Variants in ADGRG6 observed in about 807,000 individuals in gnomAD.
ADGRG6 encodes G-protein coupled receptor 126.
A neutral mutation model predicts 142.4 loss-of-function variants in ADGRG6; 84 were observed. That is an observed-to-expected ratio of 0.59 (90% CI 0.49 to 0.71). The LOEUF (loss-of-function observed/expected upper bound fraction) is 0.71. Ranked by LOEUF, ADGRG6 falls within the 30% of genes least tolerant of loss-of-function variation. The pLI is 0.00. For synonymous variants in ADGRG6, 521 were observed against 520.5 expected (o/e 1.00, Z -0.01); for missense variants, 1,367 against 1,466.6 (o/e 0.93, Z 1.11).
intron 2 of ADGRG6, among the ~76,000 whole-genome samples, chr6:142,312,210 C>T (rs948354161): frequency 5.3e-5 from 8 of 151,924 alleles, no homozygotes; most frequent in Non-Finnish European, 1.2e-4. Context: ...TTGGTTGTTA[C>T]GATTGACACT....
intron 20 of ADGRG6, 26 bp downstream of exon 20, chr6:142,416,090 T>C: frequency 6.4e-7 from 1 of 1,570,558 alleles, no homozygotes; most frequent in Non-Finnish European, 8.7e-7. Context: ...TTTTTTTGGT[T>C]TTGTTTTTCC....
intron 24 of ADGRG6, among the ~76,000 whole-genome samples, chr6:142,442,077 A>G (rs1777779331): frequency 1.3e-5 from 2 of 152,200 alleles, no homozygotes; most frequent in Non-Finnish European, 2.9e-5. Context: ...TATCATGATG[A>G]TGATGGCTTT....
intron 1 of ADGRG6, among the ~76,000 whole-genome samples, chr6:142,308,942 T>C (rs970464524): frequency 3.3e-5 from 5 of 151,972 alleles, no homozygotes; most frequent in African/African-American, 1.2e-4. Flanking sequence ...TTTACTACTT[T>C]CTATAATACC....
intron 22 of ADGRG6, among the ~76,000 whole-genome samples, chr6:142,433,890 C>G (rs900870058): frequency 6.6e-6 from 1 of 152,212 alleles, no homozygotes. Flanking sequence ...ACCCCCACTT[C>G]TACAAAACAT....
intron 2 of ADGRG6, among the ~76,000 whole-genome samples, chr6:142,361,806 T>C (rs1780727713): frequency 6.8e-6 from 1 of 147,282 alleles, no homozygotes; most frequent in Non-Finnish European, 1.5e-5. Context: ...TGCCTTTAGA[T>C]TGTTTTTTTT....
At position 142,440,826 on chromosome 6, in the gene ADGRG6, A is replaced by C. The variant is rs922623303; in HGVS notation, c.3574+2462A>C. 4 of 724,062 alleles carry C rather than the reference A, an allele frequency of 5.5e-6. No individual in the cohort carries two copies. The African/African-American group carries it at 7.4e-5, about 13-fold the overall frequency. The allele number at this position is 724,062 out of a possible 1,614,324, so 44.9% of individuals were successfully genotyped here. A position where few individuals can be genotyped will look rare whatever the true frequency, so the allele number is the denominator to read the frequency against. On this transcript the variant is annotated intron_variant, in intron 24 of 24. Coordinates refer to ENST00000367609, the MANE Select transcript of ADGRG6 (RefSeq NM_198569.3). ...ATCCTGGGATCACTCAAGGTATGCAAAACGTCACTGCATATCATCATGGAT... is the reference window on the plus strand; with the variant it reads ...ATCCTGGGATCACTCAAGGTATGCACAACGTCACTGCATATCATCATGGAT...
chr6:142,306,398 G>C (rs1230770021), intron 1 of ADGRG6, among the ~76,000 whole-genome samples: 1 of 152,152 alleles, frequency 6.6e-6, no homozygotes, highest in Non-Finnish European at 1.5e-5. Context: ...GATTGAAAAA[G>C]AGAACAAGTT....
At chr6:142,379,858 C>T (rs761319597) in intron 4 of ADGRG6, among the ~76,000 whole-genome samples, 6 of 152,042 alleles carry the variant, frequency 3.9e-5, no homozygotes, top group Non-Finnish European at 5.9e-5. Context: ...TTTATTTTTC[C>T]GAAGTTAAGG....
intron 2 of ADGRG6, among the ~76,000 whole-genome samples, chr6:142,360,625 TG>T (rs1780666434): frequency 6.6e-6 from 1 of 152,156 alleles, no homozygotes; most frequent in Non-Finnish European, 1.5e-5. Context: ...CTCTCATCTT[TG>T]TGCTCTACAT....
intron 24 of ADGRG6, among the ~76,000 whole-genome samples, chr6:142,442,809 T>G (rs955389528): frequency 7.2e-5 from 11 of 152,074 alleles, no homozygotes; most frequent in African/African-American, 2.2e-4. Flanking sequence ...AAATTTAATT[T>G]TATAAAATTT....
rs1022763337 is a variant in ADGRG6, at chr6:142,398,586, G to A, written c.1567+831G>A. Among the ~76,000 whole-genome samples the A allele has an allele frequency of 7.2e-5, 11 of 152,142 alleles. 1 individual carries two copies. The highest frequency in any genetic ancestry group is 4.1e-4 in the South Asian group (2 of 4,830). On this transcript the variant is annotated intron_variant, in intron 10 of 24. Transcript: ENST00000367609. Reference sequence around the variant, plus strand: ...CATCCTAAGCTCTAGCCACACATATGGCACGGCTTGTACTTCCACAAAGAG... The same window carrying A: ...CATCCTAAGCTCTAGCCACACATATAGCACGGCTTGTACTTCCACAAAGAG...
intron 2 of ADGRG6, among the ~76,000 whole-genome samples, chr6:142,334,435 G>A (rs73578343): frequency 0.032 from 4,900 of 152,198 alleles, 275 homozygotes; most frequent in African/African-American, 0.11. Context: ...GATTATAGAA[G>A]TGCTGTTACC....
chr6:142,424,451 CT>C (rs1470782385), intron 22 of ADGRG6, among the ~76,000 whole-genome samples: 1 of 142,564 alleles, frequency 7.0e-6, no homozygotes, highest in East Asian at 2.1e-4. Context: ...GTCTTTGGCT[CT>C]GTTTATATGC....
At chr6:142,361,451 G>A (rs1780711153) in intron 2 of ADGRG6, among the ~76,000 whole-genome samples, 1 of 152,176 alleles carries the variant, frequency 6.6e-6, no homozygotes, top group African/African-American at 2.4e-5. Context: ...GGTAGCAGAG[G>A]TGGTGCTTGG....
In ADGRG6 at chr6:142,374,527, C is replaced by T. The variant is rs558905010; in HGVS notation, c.1069+3734C>T. ...TGGCTGCTGCTTTCAAAGGAGCTTCCCAGTTTACTTTAGCCCTTAGCAACC... is the reference window on the plus strand; with the variant it reads ...TGGCTGCTGCTTTCAAAGGAGCTTCTCAGTTTACTTTAGCCCTTAGCAACC... On this transcript the variant is annotated intron_variant, in intron 4 of 24. Coordinates refer to ENST00000367609, the MANE Select transcript of ADGRG6 (RefSeq NM_198569.3). Among the ~76,000 whole-genome samples the T allele has an allele frequency of 5.8e-4, 89 of 152,308 alleles. 1 individual carries two copies. Among genetic ancestry groups the T allele is most frequent in the African/African-American group, 2.1e-3 (86 of 41,568 alleles).
chr6:142,391,619 T>A (rs1774904368), intron 7 of ADGRG6, among the ~76,000 whole-genome samples: 1 of 151,738 alleles, frequency 6.6e-6, no homozygotes, highest in Non-Finnish European at 1.5e-5. Context: ...AAAGGTGAAA[T>A]CCTCTACTGA....
At chr6:142,351,180 CG>C (rs937254862) in intron 2 of ADGRG6, among the ~76,000 whole-genome samples, 123 of 152,142 alleles carry the variant, frequency 8.1e-4, no homozygotes, top group African/African-American at 2.8e-3. Context: ...TGCAGTGAGC[CG>C]AGATTGCGCC....
chr6:142,421,930 C>T (rs1223163221), intron 22 of ADGRG6, among the ~76,000 whole-genome samples: 1 of 152,162 alleles, frequency 6.6e-6, no homozygotes, highest in Non-Finnish European at 1.5e-5. Context: ...AGTCTACCAA[C>T]AATTGCTTGC....
At chr6:142,366,369 G>A (rs745638865) in intron 2 of ADGRG6, among the ~76,000 whole-genome samples, 1 of 152,108 alleles carries the variant, frequency 6.6e-6, no homozygotes, top group Non-Finnish European at 1.5e-5. Flanking sequence ...TTTACAATGG[G>A]TCTTAATTTT....
Sources: gnomAD v4.1 joint callset for allele counts (sites outside exome capture counted in the v4.1 genomes callset) on GRCh38, gnomAD v4.1.1 for gene constraint, MANE v1.5 for transcripts, NCBI Gene and HGNC (gene_info 2026-07-23, HGNC 2026-07-21) for gene names.